Variants in MTMR8 observed in about 807,000 individuals in gnomAD.
MTMR8 encodes the protein myotubularin related protein 8, also known as phosphatidylinositol-3,5-bisphosphate 3-phosphatase MTMR8.
Under a neutral mutation model 39.3 loss-of-function variants are expected in MTMR8, and 65 were observed. That is an observed-to-expected ratio of 1.65 (90% confidence interval 1.35 to 2.03). The LOEUF (loss-of-function observed/expected upper bound fraction) is 2.03, where lower values mean the gene tolerates loss of function less well. Among genes scored for constraint, MTMR8 ranks in the 30% most tolerant of loss-of-function variants. The pLI, the probability that MTMR8 is intolerant of heterozygous loss-of-function variation, is 0.00. For synonymous variants in MTMR8, 245 were observed against 185.2 expected (o/e 1.32, Z -2.62); for missense variants, 777 against 538.9 (o/e 1.44, Z -4.37).
chrX:64,268,214 A>G lies in MTMR8; in HGVS notation c.*323T>C. On this transcript the variant is annotated 3_prime_UTR_variant, in exon 14 of 14. Transcript: ENST00000374852. The stretch of plus-strand genomic sequence containing the variant: ...ACTTTCACATTACTGCAGTGAGGAT[A>G]GAAAATAGGGCAGGTCGATCATTAA... 7.9e-6 allele frequency: 2 copies of G among 253,325 alleles called. No homozygotes were observed. Among genetic ancestry groups the G allele is most frequent in the Non-Finnish European group, 1.4e-5 (2 of 143,155 alleles). The allele number at this position is 253,325 out of a possible 1,213,427, so 20.9% of individuals were successfully genotyped here. A position where few individuals can be genotyped will look rare whatever the true frequency, so the allele number is the denominator to read the frequency against.
At chrX:64,269,526 C>G (rs2147123181) in intron 13 of MTMR8, among the ~76,000 whole-genome samples, 1 of 111,209 alleles carries the variant, frequency 9.0e-6, no homozygotes. Context: ...TGCCTGATGC[C>G]AAAGTCTATG....
At chrX:64,359,568 A>G (rs781182584) in intron 1 of MTMR8, 41 bp from the exon 2 acceptor site, 1 of 1,160,270 alleles carries the variant, frequency 8.6e-7, no homozygotes, top group Admixed American at 2.3e-5. Context: ...TTACCAACTC[A>G]CCACCTATGA....
chrX:64,270,299 CCTTATCTGGCTTAAAGTGGGTT>C (rs1273844959), intron 13 of MTMR8, among the ~76,000 whole-genome samples: 1 of 112,009 alleles, frequency 8.9e-6, no homozygotes, highest in African/African-American at 3.2e-5. Context: ...AAAAGCTATG[CCTTATCTGGCTTAAAGTGGGTT>C]CACACCCAGT....
chrX:64,374,836 A>T (rs1304049165), intron 1 of MTMR8, among the ~76,000 whole-genome samples: 1 of 109,739 alleles, frequency 9.1e-6, no homozygotes, highest in East Asian at 2.9e-4. Context: ...CAGAGAGGAG[A>T]CGGCACACAG....
chrX:64,329,719 T>G (rs1309943006), intron 11 of MTMR8, among the ~76,000 whole-genome samples: 1 of 111,035 alleles, frequency 9.0e-6, no homozygotes, highest in Non-Finnish European at 1.9e-5. Flanking sequence ...GACCTAAAAT[T>G]GTGGTCTTGT....
intron 1 of MTMR8, among the ~76,000 whole-genome samples, chrX:64,389,120 A>T (rs2147249746): frequency 8.9e-6 from 1 of 111,931 alleles, no homozygotes; most frequent in East Asian, 2.8e-4. Flanking sequence ...GCAAGGGTTA[A>T]ATTAGCATAT....
intron 12 of MTMR8, among the ~76,000 whole-genome samples, chrX:64,290,143 C>A (rs1921346576): frequency 9.1e-6 from 1 of 110,318 alleles, no homozygotes; most frequent in Admixed American, 9.7e-5. Flanking sequence ...GGACTAACAC[C>A]TAAAAATGGT....
intron 12 of MTMR8, among the ~76,000 whole-genome samples, chrX:64,309,671 A>C (rs911797555): frequency 3.6e-5 from 4 of 111,670 alleles, no homozygotes; most frequent in Non-Finnish European, 7.5e-5. Context: ...TTACTGTCAA[A>C]CCTTGGAGAT....
intron 10 of MTMR8, among the ~76,000 whole-genome samples, chrX:64,332,732 G>A (rs1316637564): frequency 1.8e-5 from 2 of 111,607 alleles, no homozygotes; most frequent in African/African-American, 6.5e-5. Context: ...ACTTACACTA[G>A]CTCAACAGAT....
intron 12 of MTMR8, among the ~76,000 whole-genome samples, chrX:64,287,538 A>C (rs1921231122): frequency 9.0e-6 from 1 of 111,375 alleles, no homozygotes; most frequent in African/African-American, 3.3e-5. Context: ...ACAAAGCTGG[A>C]GGCATCACGC....
At chrX:64,356,372 A>G (rs1569227337) in intron 2 of MTMR8, 34 bp from the exon 3 acceptor site, 8 of 1,150,773 alleles carry the variant, frequency 7.0e-6, no homozygotes, top group Non-Finnish European at 8.2e-6. Flanking sequence ...GTAAACATAC[A>G]GATGTGCAAT....
intron 1 of MTMR8, among the ~76,000 whole-genome samples, chrX:64,394,616 G>T (rs992211609): frequency 1.8e-5 from 2 of 112,067 alleles, no homozygotes; most frequent in African/African-American, 6.5e-5. Context: ...AGGGGCTGGC[G>T]TTGGGAAGGG....
chrX:64,377,039 G>C (rs1163385466), intron 1 of MTMR8, among the ~76,000 whole-genome samples: 2 of 112,320 alleles, frequency 1.8e-5, no homozygotes, highest in Non-Finnish European at 3.8e-5. Flanking sequence ...CTTCCACATG[G>C]TGTTAAGCCT....
At chrX:64,372,863 A>G (rs1924164328) in intron 1 of MTMR8, among the ~76,000 whole-genome samples, 1 of 111,664 alleles carries the variant, frequency 9.0e-6, no homozygotes, top group Admixed American at 9.6e-5. Flanking sequence ...AATTTCTGTA[A>G]TATTTTTTAA....
intron 6 of MTMR8, among the ~76,000 whole-genome samples, chrX:64,347,512 A>C (rs1177318183): frequency 1.8e-5 from 2 of 111,615 alleles, no homozygotes; most frequent in African/African-American, 3.3e-5. Context: ...GTAGCTCTGG[A>C]GAATAGCCAC....
intron 1 of MTMR8, among the ~76,000 whole-genome samples, chrX:64,364,099 G>C (rs1385886014): frequency 8.9e-6 from 1 of 112,406 alleles, no homozygotes; most frequent in Non-Finnish European, 1.9e-5. Flanking sequence ...CTCGAACTGG[G>C]CAGAGCCCAC....
At chrX:64,376,215 C>T (rs1039598278) in intron 1 of MTMR8, among the ~76,000 whole-genome samples, 2 of 112,075 alleles carry the variant, frequency 1.8e-5, no homozygotes, top group African/African-American at 6.5e-5. Context: ...AAGAACATTG[C>T]TAAAAAGATA....
chrX:64,351,110 A>G (rs972237668), intron 4 of MTMR8, among the ~76,000 whole-genome samples: 1 of 111,531 alleles, frequency 9.0e-6, no homozygotes, highest in Non-Finnish European at 1.9e-5. Flanking sequence ...AGAAAAATAA[A>G]TGGAGCTCCC....
At chrX:64,353,786 G>T (rs759762046) in intron 4 of MTMR8, among the ~76,000 whole-genome samples, 1 of 110,167 alleles carries the variant, frequency 9.1e-6, no homozygotes, top group Non-Finnish European at 1.9e-5. Context: ...AATTCGCCAG[G>T]CATGGGTGTG....
Sources: gnomAD v4.1 joint callset for allele counts (sites outside exome capture counted in the v4.1 genomes callset) on GRCh38, gnomAD v4.1.1 for gene constraint, MANE v1.5 for transcripts, NCBI Gene and HGNC (gene_info 2026-07-23, HGNC 2026-07-21) for gene names.